JAKMIP3: variants seen among roughly 807,000 people sequenced by gnomAD.
JAKMIP3 encodes Janus kinase and microtubule interacting protein 3, also known as janus kinase and microtubule-interacting protein 3.
JAKMIP3 carries 58 observed loss-of-function variants against 118.5 expected under a neutral mutation model. The observed-to-expected ratio is 0.49, with a 90% confidence interval of 0.40 to 0.61. The LOEUF is 0.61. Among genes scored for constraint, JAKMIP3 ranks in the 20% least tolerant of loss-of-function variants. The pLI is 0.00. For missense variants in JAKMIP3, 950 were observed against 1,109.0 expected, an observed-to-expected ratio of 0.86 and a Z score of 2.04; for synonymous variants, 486 against 451.2, an observed-to-expected ratio of 1.08 and a Z score of -0.98.
At chr10:132,098,780 T>C (rs1370224458) in intron 1 of JAKMIP3, among the ~76,000 whole-genome samples, 1 of 152,150 alleles carries the variant, frequency 6.6e-6, no homozygotes, top group African/African-American at 2.4e-5. Context: ...GAGGGGGCTC[T>C]TTACCACAGC....
chr10:132,177,214 A>C (rs746799655), intron 23 of JAKMIP3, among the ~76,000 whole-genome samples: 2 of 152,256 alleles, frequency 1.3e-5, no homozygotes, highest in Admixed American at 6.5e-5. Context: ...TAGCCTGGCC[A>C]TGGGGCCGTT....
At position 132,163,298 on chromosome 10, in the gene JAKMIP3, C is replaced by T. The variant is rs372743812; in HGVS notation, c.2310C>T (p.Arg770=). The change falls in exon 20 of 24, where the codon CGC becomes CGT. Residue 770 remains arginine (R), a synonymous_variant. Coordinates refer to ENST00000684848, the MANE Select transcript of JAKMIP3 (RefSeq NM_001323087.2). ...KVAELLSEEE[R]EKLKVAVEQW... ...CTGAGCTGCTGTCAGAGGAGGAGCG[C>T]GAGAAGCTCAAGGTGGCCGTGGAGC... The T allele has an allele frequency of 1.4e-5, 23 of 1,604,636 alleles. No homozygotes were observed. Among genetic ancestry groups the T allele is most frequent in the Non-Finnish European group, 1.8e-5 (21 of 1,176,788 alleles).
At position 132,040,864 on chromosome 10, in the gene JAKMIP3, G is replaced by A. The variant is rs1406455316; in HGVS notation, c.-138+4126G>A. Among the ~76,000 whole-genome samples the A allele has an allele frequency of 2.0e-5, 3 of 152,028 alleles. No homozygotes were observed. The East Asian group carries it at 5.8e-4, about 29-fold the overall frequency. ...GAGCTCCCACTTCCTAGCCCTGGAA[G>A]CCTCCCTTCCAGTCTTTATTGTTGT... On this transcript the variant is annotated intron_variant, in intron 1 of 23. Coordinates refer to the JAKMIP3 transcript ENST00000657785.
At chr10:132,178,221 C>T (rs1317298024) in intron 23 of JAKMIP3, among the ~76,000 whole-genome samples, 3 of 152,348 alleles carry the variant, frequency 2.0e-5, no homozygotes, top group Non-Finnish European at 2.9e-5. Context: ...TTCCAGCATC[C>T]GTGTGAGCCA....
At chr10:132,123,810 C>G (rs2048997464) in intron 3 of JAKMIP3, among the ~76,000 whole-genome samples, 1 of 152,208 alleles carries the variant, frequency 6.6e-6, no homozygotes, top group African/African-American at 2.4e-5. Context: ...CAGCCAGATG[C>G]AGCATCGGCT....
intron 17 of JAKMIP3, among the ~76,000 whole-genome samples, 180 bp downstream of exon 17, chr10:132,153,203 T>G (rs547113860): frequency 5.6e-4 from 85 of 152,322 alleles, no homozygotes; most frequent in African/African-American, 1.9e-3. Context: ...CCACTGTGCA[T>G]CTTTGCAAAG....
chr10:132,064,507 C>T (rs558361732), upstream of JAKMIP3, among the ~76,000 whole-genome samples: 488 of 129,500 alleles, frequency 3.8e-3, 1 homozygote, highest in African/African-American at 0.013. This position sits in a 1 kb window ranked among gnomAD's most constrained non-coding sequence, Gnocchi z 4.4. Flanking sequence ...TCCGACCCAC[C>T]GTTCCGGGTC....
At chr10:132,138,277 G>T (rs2052315989) in intron 9 of JAKMIP3, 99 bp downstream of exon 9, 1 of 1,092,542 alleles carries the variant, frequency 9.2e-7, no homozygotes, top group African/African-American at 1.6e-5. Context: ...TGCGGAGAGG[G>T]GTGCGCCGGT....
At chr10:132,062,132 C>T (rs532926053), upstream of JAKMIP3, among the ~76,000 whole-genome samples, 59 of 152,054 alleles carry the variant, frequency 3.9e-4, no homozygotes, top group African/African-American at 1.4e-3. Context: ...GCCGGGAGAG[C>T]CCAGATGAAG....
In JAKMIP3 at chr10:132,127,823, A is replaced by G. The variant is rs1344338629; in HGVS notation, c.634-5489A>G. ...TTAGTAGTTACAGAGAAATATTAAT[A>G]TGTATCCTTAACTACATTCTATCAT... On this transcript the variant is annotated intron_variant, in intron 3 of 23. Coordinates refer to ENST00000684848, the MANE Select transcript of JAKMIP3 (RefSeq NM_001323087.2). Among the ~76,000 whole-genome samples, 3 of 152,192 alleles carry G rather than the reference A, an allele frequency of 2.0e-5. No homozygotes were observed. The East Asian group carries it at 5.8e-4, about 29-fold the overall frequency.
At chr10:132,137,418 T>C (rs1405775793) in intron 8 of JAKMIP3, 129 bp downstream of exon 8, 50 of 1,197,234 alleles carry the variant, frequency 4.2e-5, no homozygotes, top group African/African-American at 6.0e-5. Context: ...GGGTGGATTT[T>C]GTTGTTGCAG....
intron 1 of JAKMIP3, among the ~76,000 whole-genome samples, chr10:132,071,835 C>CCTTTCCTTTCTTTCTTTCCTTT (rs1554917953): frequency 1.1e-3 from 27 of 25,172 alleles, no homozygotes; most frequent in African/African-American, 2.5e-3. Context: ...TCCTTTCTTC[C>CCTTTCCTTTCTTTCTTTCCTTT]CTTTCCTTTC....
At chr10:132,132,234 A>T (rs1025637894) in intron 3 of JAKMIP3, among the ~76,000 whole-genome samples, 3 of 152,240 alleles carry the variant, frequency 2.0e-5, no homozygotes, top group African/African-American at 7.2e-5. Context: ...CAGATTTATT[A>T]GCTTGTTTAA....
At position 132,184,637 on chromosome 10, in the gene JAKMIP3, G is replaced by A. The variant is rs571012731; in HGVS notation, c.*3384G>A. 3 of 152,224 alleles carry A rather than the reference G, an allele frequency of 2.0e-5. No individual in the cohort carries two copies. The highest frequency in any genetic ancestry group is 3.9e-4 in the East Asian group (2 of 5,190). The allele number at this position is 152,224 out of a possible 1,614,324, so 9.4% of individuals were successfully genotyped here. A position where few individuals can be genotyped will look rare whatever the true frequency, so the allele number is the denominator to read the frequency against. On this transcript the variant is annotated 3_prime_UTR_variant, in exon 24 of 24. Coordinates refer to ENST00000684848, the MANE Select transcript of JAKMIP3 (RefSeq NM_001323087.2). ...CCCTTCATAGTCACCCTCTAACCAC[G>A]TGACATTCCGTTCCATGCTAAGCAG...
chr10:132,180,732 TGTGTGCGTGCGTGCGCGC>T (rs2061174187), intron 23 of JAKMIP3, among the ~76,000 whole-genome samples: 4 of 12,330 alleles, frequency 3.2e-4, no homozygotes, highest in African/African-American at 1.6e-3. Flanking sequence ...TGTGTGTGCG[TGTGTGCGTGCGTGCGCGC>T]GCGTGTGTGC....
intron 1 of JAKMIP3, among the ~76,000 whole-genome samples, chr10:132,076,205 C>T (rs1434569653): frequency 6.6e-6 from 1 of 152,068 alleles, no homozygotes; most frequent in African/African-American, 2.4e-5. Context: ...CATCTCCCTT[C>T]TTCCTCTGTA....
At chr10:132,123,332 A>AT (rs1480706108) in intron 3 of JAKMIP3, among the ~76,000 whole-genome samples, 22 of 152,224 alleles carry the variant, frequency 1.4e-4, no homozygotes, top group African/African-American at 5.1e-4. Flanking sequence ...GTTTGCTAAA[A>AT]TACAAGTTCA....
At chr10:132,085,095 T>C (rs1036815577) in intron 1 of JAKMIP3, among the ~76,000 whole-genome samples, 2 of 152,010 alleles carry the variant, frequency 1.3e-5, no homozygotes, top group African/African-American at 2.4e-5. Flanking sequence ...ATAGAATGAT[T>C]TAGAGAGGAT....
chr10:132,114,922 G>T (rs2047397711), intron 2 of JAKMIP3, among the ~76,000 whole-genome samples: 1 of 152,164 alleles, frequency 6.6e-6, no homozygotes, highest in African/African-American at 2.4e-5. Context: ...TAGAAATCCA[G>T]TGATTTAAAA....
Sources: allele counts gnomAD v4.1 joint callset (sites outside exome capture counted in the v4.1 genomes callset), GRCh38; gene constraint gnomAD v4.1.1; non-coding constraint Gnocchi (gnomAD v3.1); transcripts MANE v1.5; gene names NCBI Gene and HGNC (gene_info 2026-07-23, HGNC 2026-07-21).